Variants in ZNF556 observed in about 807,000 individuals in gnomAD.
ZNF556 encodes zinc finger protein 556.
ZNF556 carries 11 observed loss-of-function variants against 13.6 expected under a neutral mutation model. The ratio of observed to expected loss-of-function variants is 0.81; its 90% confidence interval spans 0.51 to 1.33. The LOEUF (loss-of-function observed/expected upper bound fraction) is 1.33. Ranked by LOEUF, ZNF556 falls within the 40% of genes most tolerant of loss-of-function variation. The probability of loss-of-function intolerance (pLI) is 0.00; values close to 1 mark genes in which losing one functional copy is unlikely to be tolerated. For synonymous variants in ZNF556, 229 were observed against 207.8 expected (o/e 1.10, Z -0.88); for missense variants, 633 against 566.2 (o/e 1.12, Z -1.20).
chr19:2,868,139 G>A (rs535392019), intron 1 of ZNF556, among the ~76,000 whole-genome samples: 1 of 149,726 alleles, frequency 6.7e-6, no homozygotes, highest in African/African-American at 2.5e-5. Context: ...TTTTTTGCCC[G>A]TGTGGTTAAG....
chr19:2,877,930 C>T lies in ZNF556; in HGVS notation c.972C>T (p.Phe324=), dbSNP rs745591315. Residue 324 remains phenylalanine (F), a synonymous_variant, in exon 4 of 4, where the codon TTC becomes TTT. Coordinates refer to ENST00000307635, the MANE Select transcript of ZNF556 (RefSeq NM_024967.3). ...AGTGTGGAAAATGCGGGAAAGCATTCGGTTGGCCCTCATCCTTACACAAAC... is the reference window on the plus strand; with the variant it reads ...AGTGTGGAAAATGCGGGAAAGCATTTGGTTGGCCCTCATCCTTACACAAAC... ...PYKCGKCGKA[F]GWPSSLHKHA... is the part of the protein sequence containing the mutation. The T allele has an allele frequency of 8.7e-6, 14 of 1,614,054 alleles. No individual in the cohort carries two copies. The highest frequency in any genetic ancestry group is 3.3e-5 in the South Asian group (3 of 91,086).
intron 1 of ZNF556, among the ~76,000 whole-genome samples, chr19:2,869,167 A>G (rs2087781600): frequency 6.6e-6 from 1 of 152,066 alleles, no homozygotes; most frequent in Non-Finnish European, 1.5e-5. Flanking sequence ...GTCCACTTGA[A>G]TGCCTTATTC....
chr19:2,871,822 C>T (rs1409336303), intron 1 of ZNF556, among the ~76,000 whole-genome samples: 1 of 152,154 alleles, frequency 6.6e-6, no homozygotes, highest in African/African-American at 2.4e-5. Flanking sequence ...GGTAGTGGCC[C>T]CGAATGCCAG....
At position 2,878,101 on chromosome 19, in the gene ZNF556, G is replaced by C. The variant is rs974932069; in HGVS notation, c.1143G>C (p.Trp381Cys). The change falls in exon 4 of 4, where the codon TGG becomes TGC. Residue 381 changes from tryptophan (W) to cysteine (C), a missense_variant. Trp to Cys is a radical substitution (Grantham distance 215, BLOSUM62 -2). Transcript: ENST00000307635. ...KCETCGKTYG[W>C]SSSLHKHERK... ...AAACGTGTGGGAAAACGTATGGTTGGTCCTCATCTTTACACAAACATGAGA... is the reference window on the plus strand; with the variant it reads ...AAACGTGTGGGAAAACGTATGGTTGCTCCTCATCTTTACACAAACATGAGA... 1 of 1,614,050 alleles carries C rather than the reference G, an allele frequency of 6.2e-7. No homozygotes were observed. The highest frequency in any genetic ancestry group is 8.5e-7 in the Non-Finnish European group (1 of 1,180,028).
At chr19:2,874,843 G>A (rs1457878253) in intron 2 of ZNF556, 5 of 150,810 alleles carry the variant, frequency 3.3e-5, no homozygotes, top group East Asian at 1.9e-4. Flanking sequence ...GCACAGAGAG[G>A]TTAATTGTTT....
In ZNF556 at chr19:2,873,633, CATTATTTCTGCACTTAGTTATTAGAT is replaced by C; in HGVS notation, c.130+13_130+38del. On this transcript the variant is annotated intron_variant, in intron 2 of 3. Coordinates refer to ENST00000307635, the MANE Select transcript of ZNF556 (RefSeq NM_024967.3). Reference sequence around the variant, plus strand: ...ACCTGGCCTCAGTAGGTGAGGATAGCATTATTTCTGCACTTAGTTATTAGATAATAAATGTTTTGTCTGGTTGCAGT... The same window carrying C: ...ACCTGGCCTCAGTAGGTGAGGATAGCAATAAATGTTTTGTCTGGTTGCAGT... 1 of 1,610,464 alleles carries C rather than the reference CATTATTTCTGCACTTAGTTATTAGAT, an allele frequency of 6.2e-7. No homozygotes were observed. The highest frequency in any genetic ancestry group is 1.1e-5 in the South Asian group (1 of 90,914).
chr19:2,877,248 T>A, intron 3 of ZNF556, 25 bp from the exon 4 acceptor site: 1 of 1,557,216 alleles, frequency 6.4e-7, no homozygotes, highest in South Asian at 1.2e-5. Context: ...GCATAAACCA[T>A]TAATAATGTG....
At chr19:2,873,748 GT>G in intron 2 of ZNF556, 126 bp downstream of exon 2, 1 of 1,158,076 alleles carries the variant, frequency 8.6e-7, no homozygotes, top group Non-Finnish European at 1.2e-6. Flanking sequence ...GAGGCTAGGA[GT>G]TGACAACCAG....
At chr19:2,871,943 C>T (rs1355678381) in intron 1 of ZNF556, among the ~76,000 whole-genome samples, 1 of 152,172 alleles carries the variant, frequency 6.6e-6, no homozygotes, top group Non-Finnish European at 1.5e-5. Flanking sequence ...ACAGGGGGCC[C>T]TTCCCTGCGT....
At position 2,878,425 on chromosome 19, in the gene ZNF556, C is replaced by G; in HGVS notation, c.*96C>G. On this transcript the variant is annotated 3_prime_UTR_variant, in exon 4 of 4. Coordinates refer to ENST00000307635, the MANE Select transcript of ZNF556 (RefSeq NM_024967.3). ...GTGGCTCACGCCTGTAATCCCAGCACTTTGGGAGGCCGAGGCAGGCGGATC... is the reference window on the plus strand; with the variant it reads ...GTGGCTCACGCCTGTAATCCCAGCAGTTTGGGAGGCCGAGGCAGGCGGATC... 1 of 1,270,710 alleles carries G rather than the reference C, an allele frequency of 7.9e-7. No individual in the cohort carries two copies. Among genetic ancestry groups the G allele is most frequent in the Non-Finnish European group, 1.1e-6 (1 of 914,640 alleles). 78.7% of individuals were successfully genotyped at this position (1,270,710 alleles called of 1,614,324 possible).
chr19:2,882,530 T>TTG lies in ZNF556; in HGVS notation c.*4201_*4202insTG, dbSNP rs761280142. On this transcript the variant is annotated 3_prime_UTR_variant, in exon 4 of 4. Transcript: ENST00000307635. ...TATACATTTTATATATATATATATA[T>TTG]AGTGTGTGTGTGTGTGTGTGTGTGT... 2.5e-5 allele frequency: 2 copies of TTG among 78,504 alleles called. No homozygotes were observed. Among genetic ancestry groups the TTG allele is most frequent in the African/African-American group, 1.0e-4 (2 of 19,698 alleles). 4.9% of individuals were successfully genotyped at this position (78,504 alleles called of 1,614,324 possible).
At chr19:2,877,244 A>ACCCT (rs1282216924) in intron 3 of ZNF556, 29 bp from the exon 4 acceptor site, 1 of 1,535,906 alleles carries the variant, frequency 6.5e-7, no homozygotes, top group Non-Finnish European at 8.8e-7. Flanking sequence ...TAAGGCATAA[A>ACCCT]CCATTAATAA....
rs2087880716 is a variant in ZNF556 at position 2,878,504 on chromosome 19, A to G, written c.*175A>G. The G allele has an allele frequency of 1.2e-5, 2 of 162,594 alleles. No individual in the cohort carries two copies. Among genetic ancestry groups the G allele is most frequent in the African/African-American group, 5.3e-5 (2 of 37,688 alleles). The allele number at this position is 162,594 out of a possible 1,614,324, so 10.1% of individuals were successfully genotyped here. On this transcript the variant is annotated 3_prime_UTR_variant, in exon 4 of 4. Coordinates refer to ENST00000307635, the MANE Select transcript of ZNF556 (RefSeq NM_024967.3). Reference sequence around the variant, plus strand: ...GCTATGGTGAAACCCCGTCTCTACTAAAAAAAAAAAAAATACAAAAAATTA... The same window carrying G: ...GCTATGGTGAAACCCCGTCTCTACTGAAAAAAAAAAAAATACAAAAAATTA...
rs955420098 is a variant in ZNF556, at chr19:2,877,288, G to A, written c.330G>A (p.Val110=). The change falls in exon 4 of 4, where the codon GTG becomes GTA. Residue 110 remains valine, a synonymous_variant. Transcript: ENST00000307635. ...KERHLSRNPR[V]ERPCKSSKGN... ...CCATTTTTAGCAGAAATCCAAGGGT[G>A]GAGAGACCATGTAAAAGCAGTAAAG... 3.1e-6 allele frequency: 5 copies of A among 1,611,210 alleles called. No individual in the cohort carries two copies. The African/African-American group carries it at 4.0e-5, about 13-fold the overall frequency.
Position 2,873,529 on chromosome 19 carries a change from T to C in ZNF556, c.37T>C (p.Phe13Leu). The C allele has an allele frequency of 6.2e-7, 1 of 1,614,178 alleles. No homozygotes were observed. The change falls in exon 2 of 4, where the codon TTC becomes CTC. Residue 13 changes from phenylalanine to leucine, a missense_variant. Physicochemically the swap from Phe to Leu is conservative, Grantham distance 22. Coordinates refer to ENST00000307635, the MANE Select transcript of ZNF556 (RefSeq NM_024967.3). Reference protein sequence around the residue: ...TVVFEDVVVDFTLEEWALLNP... With the variant: ...TVVFEDVVVDLTLEEWALLNP... ...GGTCTTTGAAGACGTGGTTGTGGAT[T>C]TCACGCTGGAGGAGTGGGCCTTGCT...
intron 1 of ZNF556, among the ~76,000 whole-genome samples, chr19:2,870,810 C>G (rs574613961): frequency 6.6e-6 from 1 of 150,438 alleles, no homozygotes; most frequent in Admixed American, 6.7e-5. Flanking sequence ...GAGGCCGAGG[C>G]AGGTGGATCA....
intron 2 of ZNF556, among the ~76,000 whole-genome samples, chr19:2,874,758 A>AAAAAAAAG (rs1555725942): frequency 4.4e-4 from 57 of 130,720 alleles, no homozygotes; most frequent in East Asian, 6.7e-4. Context: ...AAAAAAAAAA[A>AAAAAAAAG]AAAGAAAGAA....
rs1379026601 is a variant in ZNF556, at chr19:2,869,100, G to C, written c.3+1676G>C. On this transcript the variant is annotated intron_variant, in intron 1 of 3. Transcript: ENST00000307635. ...CCACTGCTTGCTAGTGACTATTCGG[G>C]TATTTTCAAATTTTTTCCATTGTGA... 4.6e-5 allele frequency among the ~76,000 whole-genome samples: 7 copies of C among 152,052 alleles called. No homozygotes were observed. The East Asian group carries it at 1.3e-3, about 29-fold the overall frequency.
intron 1 of ZNF556, among the ~76,000 whole-genome samples, chr19:2,869,335 G>C (rs116308856): frequency 6.6e-6 from 1 of 151,644 alleles, no homozygotes; most frequent in East Asian, 2.0e-4. Context: ...CCCACCTTGA[G>C]CCCATGAGGA....
Sources: allele counts gnomAD v4.1 joint callset (sites outside exome capture counted in the v4.1 genomes callset), GRCh38; gene constraint gnomAD v4.1.1; transcripts MANE v1.5; gene names NCBI Gene and HGNC (gene_info 2026-07-23, HGNC 2026-07-21).